Variants in UNC13C observed in about 807,000 individuals in gnomAD.
UNC13C encodes unc-13 homolog C, also known as protein unc-13 homolog C.
In UNC13C, 174 loss-of-function variants were observed where a neutral mutation model predicts 245.4. The observed-to-expected ratio is 0.71, with a 90% CI of 0.63 to 0.80. The LOEUF (loss-of-function observed/expected upper bound fraction) is 0.80. Among genes scored for constraint, UNC13C ranks in the 30% least tolerant of loss-of-function variants. The pLI, the probability that UNC13C is intolerant of heterozygous loss-of-function variation, is 0.00. For synonymous variants in UNC13C, 992 were observed against 895.1 expected (o/e 1.11, Z -1.93); for missense variants, 2,829 against 2,602.9 (o/e 1.09, Z -1.89).
At chr15:54,546,672 A>G (rs1253355344) in intron 26 of UNC13C, 50 bp from the exon 27 acceptor site, 5 of 1,212,382 alleles carry the variant, frequency 4.1e-6, no homozygotes, top group East Asian at 2.9e-5. Context: ...CTAAATTGAT[A>G]CCTTGATCTG....
chr15:54,582,192 G>A (rs74014234), intron 30 of UNC13C, among the ~76,000 whole-genome samples: 4,749 of 152,218 alleles, frequency 0.031, 267 homozygotes, highest in African/African-American at 0.11. Context: ...GGAGAAAAGG[G>A]ATGAAGATGA....
chr15:54,319,327 C>T (rs1188448818), intron 13 of UNC13C, among the ~76,000 whole-genome samples: 2 of 149,268 alleles, frequency 1.3e-5, no homozygotes, highest in Non-Finnish European at 3.0e-5. Context: ...TAGCATAGCT[C>T]TAAGAATTTT....
At chr15:54,588,370 G>GTC (rs1898597019) in intron 30 of UNC13C, among the ~76,000 whole-genome samples, 1 of 152,120 alleles carries the variant, frequency 6.6e-6, no homozygotes, top group African/African-American at 2.4e-5. Context: ...ACTTATCTAT[G>GTC]TCTCATTCCC....
At chr15:54,009,392 A>G (rs1427882425) in intron 1 of UNC13C, among the ~76,000 whole-genome samples, 1 of 152,156 alleles carries the variant, frequency 6.6e-6, no homozygotes, top group African/African-American at 2.4e-5. Flanking sequence ...ATTAATATTT[A>G]CTGGGCTTTG....
chr15:54,245,338 A>G (rs1232253599), intron 7 of UNC13C, among the ~76,000 whole-genome samples: 2 of 152,172 alleles, frequency 1.3e-5, no homozygotes, highest in Non-Finnish European at 2.9e-5. Flanking sequence ...GAATTAAGGA[A>G]TCATCTACGT....
At chr15:54,142,717 C>G (rs1234857833) in intron 2 of UNC13C, among the ~76,000 whole-genome samples, 2 of 152,100 alleles carry the variant, frequency 1.3e-5, no homozygotes, top group African/African-American at 2.4e-5. Context: ...AGTGGCAGAG[C>G]CTCAGCTGGA....
intron 2 of UNC13C, among the ~76,000 whole-genome samples, chr15:54,074,903 C>T (rs916746033): frequency 8.7e-6 from 1 of 114,294 alleles, no homozygotes; most frequent in African/African-American, 2.6e-5. Context: ...CCAGAACTTC[C>T]AATACTATGT....
intron 2 of UNC13C, among the ~76,000 whole-genome samples, chr15:54,020,701 G>A (rs901748909): frequency 6.6e-6 from 1 of 152,110 alleles, no homozygotes; most frequent in Non-Finnish European, 1.5e-5. Flanking sequence ...CAATAAAGAT[G>A]TATTCCTTAA....
At chr15:54,092,261 T>A (rs148374121) in intron 2 of UNC13C, among the ~76,000 whole-genome samples, 1 of 152,310 alleles carries the variant, frequency 6.6e-6, no homozygotes, top group African/African-American at 2.4e-5. Context: ...GTATTTAACA[T>A]GATTTATTTT....
chr15:54,613,198 T>C (rs994163127), intron 30 of UNC13C, among the ~76,000 whole-genome samples: 34 of 152,004 alleles, frequency 2.2e-4, no homozygotes, highest in African/African-American at 8.2e-4. Context: ...AATTAAAATA[T>C]CCTGTTTAAA....
At chr15:54,243,824 T>G (rs993066448) in intron 7 of UNC13C, among the ~76,000 whole-genome samples, 2 of 151,588 alleles carry the variant, frequency 1.3e-5, no homozygotes. Context: ...AATGAGATTG[T>G]TTATTTTTTT....
chr15:54,340,541 G>A (rs1238138863), intron 17 of UNC13C, among the ~76,000 whole-genome samples: 2 of 152,122 alleles, frequency 1.3e-5, no homozygotes, highest in South Asian at 2.1e-4. Context: ...GTTGAATAGG[G>A]TATTCTTTCC....
intron 4 of UNC13C, among the ~76,000 whole-genome samples, chr15:54,201,539 C>T (rs2034522753): frequency 6.6e-6 from 1 of 151,770 alleles, no homozygotes; most frequent in Non-Finnish European, 1.5e-5. Context: ...TGATACGCCA[C>T]ATAAACAGAA....
chr15:54,062,219 T>G (rs1897873585), intron 2 of UNC13C, among the ~76,000 whole-genome samples: 1 of 151,244 alleles, frequency 6.6e-6, no homozygotes, highest in Non-Finnish European at 1.5e-5. Context: ...CTCGGGAGGC[T>G]AAGGCAGGAG....
At chr15:53,869,615 C>A in the UNC13C span, among the ~76,000 whole-genome samples, 1 of 152,056 alleles carries the variant, frequency 6.6e-6, no homozygotes, top group Admixed American at 6.6e-5. Context: ...AGACCCTGAC[C>A]CAACGACAGA....
At chr15:54,216,818 AT>A (rs1465237920) in intron 4 of UNC13C, among the ~76,000 whole-genome samples, 1 of 151,836 alleles carries the variant, frequency 6.6e-6, no homozygotes, top group African/African-American at 2.4e-5. Flanking sequence ...AATTTTATAT[AT>A]TTTTCATGCA....
At chr15:54,594,372 G>T (rs141511077) in intron 30 of UNC13C, among the ~76,000 whole-genome samples, 28 of 152,022 alleles carry the variant, frequency 1.8e-4, no homozygotes, top group African/African-American at 6.8e-4. Flanking sequence ...ATTGGTGGGC[G>T]ATGCCTTAGA....
intron 19 of UNC13C, among the ~76,000 whole-genome samples, chr15:54,452,307 C>A (rs1400763464): frequency 2.0e-5 from 3 of 152,134 alleles, no homozygotes; most frequent in Non-Finnish European, 4.4e-5. Flanking sequence ...TGGGTGGGTC[C>A]TTGTGGCCCT....
intron 4 of UNC13C, among the ~76,000 whole-genome samples, chr15:54,169,317 T>C (rs1254780779): frequency 1.3e-5 from 2 of 152,338 alleles, no homozygotes; most frequent in East Asian, 3.9e-4. Context: ...TTTTGAATTT[T>C]TGCATTTATG....
Sources: allele counts gnomAD v4.1 joint callset (sites outside exome capture counted in the v4.1 genomes callset), GRCh38; gene constraint gnomAD v4.1.1; transcripts MANE v1.5; gene names NCBI Gene and HGNC (gene_info 2026-07-23, HGNC 2026-07-21).